Variants in NUDT3 observed in about 807,000 individuals in gnomAD.
NUDT3 encodes the protein diphosphoinositol polyphosphate phosphohydrolase 1.
NUDT3 carries 9 observed loss-of-function variants against 23.6 expected under a neutral mutation model. The observed-to-expected ratio is 0.38, with a 90% CI of 0.23 to 0.66. The LOEUF (loss-of-function observed/expected upper bound fraction) is 0.66. Ranked by LOEUF, NUDT3 falls within the 30% of genes least tolerant of loss-of-function variation. NUDT3 has a pLI of 0.52. For missense variants in NUDT3, 172 were observed against 218.5 expected, an observed-to-expected ratio of 0.79 and a Z score of 1.34; for synonymous variants, 86 against 82.6, an observed-to-expected ratio of 1.04 and a Z score of -0.22.
chr6:34,321,387 G>A (rs750710845), intron 2 of NUDT3, among the ~76,000 whole-genome samples: 5 of 151,798 alleles, frequency 3.3e-5, no homozygotes, highest in Non-Finnish European at 5.9e-5. Context: ...GCAGTGAGCC[G>A]AGATCGTACC....
chr6:34,295,499 C>A (rs1464562118), intron 3 of NUDT3, 142 bp downstream of exon 3: 3 of 907,248 alleles, frequency 3.3e-6, no homozygotes, highest in African/African-American at 1.7e-5. Context: ...CCAGCCTGGG[C>A]GAGAGTGAGA....
chr6:34,284,095 GAATA>G lies in NUDT3; in HGVS notation c.*4654_*4657del, dbSNP rs1763308727. ...GATAGGCTCTATCCAACAGGACTCA[GAATA>G]AATGACTGCCACCTCAACTGAGCAG... On this transcript the variant is annotated 3_prime_UTR_variant, in exon 5 of 5. Transcript: ENST00000607016. 1 of 152,186 alleles carries G rather than the reference GAATA, an allele frequency of 6.6e-6. No homozygotes were observed. The highest frequency in any genetic ancestry group is 2.4e-5 in the African/African-American group (1 of 41,444). The allele number at this position is 152,186 out of a possible 1,614,324, so 9.4% of individuals were successfully genotyped here. A position where few individuals can be genotyped will look rare whatever the true frequency, so the allele number is the denominator to read the frequency against.
rs183694195 is a variant in NUDT3, at chr6:34,349,415, T to C, written c.100-7443A>G. On this transcript the variant is annotated intron_variant, in intron 1 of 4. Transcript: ENST00000607016. ...GTGTAGCAGCCTTCCAAGGAGAATA[T>C]GGAGGCGTCAGTGGAGGAGGGAACC... is the stretch of plus-strand genomic sequence containing the variant. Among the ~76,000 whole-genome samples the C allele has an allele frequency of 1.8e-4, 25 of 142,194 alleles. 2 individuals are homozygous for C. Among genetic ancestry groups the C allele is most frequent in the Admixed American group, 6.9e-4 (10 of 14,560 alleles). The allele number at this position is 142,194 out of a possible 152,430, so 93.3% of individuals were successfully genotyped here.
intron 1 of NUDT3, among the ~76,000 whole-genome samples, chr6:34,342,776 T>C (rs1764307760): frequency 6.6e-6 from 1 of 152,194 alleles, no homozygotes; most frequent in Non-Finnish European, 1.5e-5. Context: ...CCCTAAACCA[T>C]TACTTTCTGA....
chr6:34,350,135 A>C (rs879927474), intron 1 of NUDT3, among the ~76,000 whole-genome samples: 1 of 150,988 alleles, frequency 6.6e-6, no homozygotes, highest in Non-Finnish European at 1.5e-5. Context: ...CTATGGTGAT[A>C]ATCTATGCCA....
chr6:34,356,525 A>G (rs1764563788), intron 1 of NUDT3, among the ~76,000 whole-genome samples: 1 of 152,190 alleles, frequency 6.6e-6, no homozygotes, highest in African/African-American at 2.4e-5. Context: ...GTTAACTTGA[A>G]AAGGCTCACA....
chr6:34,309,961 G>A (rs1056646025), intron 2 of NUDT3, among the ~76,000 whole-genome samples: 5 of 152,102 alleles, frequency 3.3e-5, no homozygotes, highest in Admixed American at 6.6e-5. Context: ...GGCTGGGTGC[G>A]GTGGTGCATG....
At chr6:34,361,828 G>C (rs1018819248) in intron 1 of NUDT3, among the ~76,000 whole-genome samples, 4 of 152,206 alleles carry the variant, frequency 2.6e-5, no homozygotes, top group African/African-American at 7.2e-5. Flanking sequence ...TATGAAGACA[G>C]TAGATCAGTG....
Position 34,288,060 on chromosome 6 carries a change from T to G in NUDT3, c.*693A>C, listed in dbSNP as rs1763359679. 1 of 152,144 alleles carries G rather than the reference T, an allele frequency of 6.6e-6. No individual in the cohort carries two copies. Among genetic ancestry groups the G allele is most frequent in the Admixed American group, 6.6e-5 (1 of 15,258 alleles). 9.4% of individuals were successfully genotyped at this position (152,144 alleles called of 1,614,324 possible). On this transcript the variant is annotated 3_prime_UTR_variant, in exon 5 of 5. Transcript: ENST00000607016. Reference sequence around the variant, plus strand: ...AGCACTATGAAGGTAGCTAAACTCTTCCCATATCTACAGTCAATGACTGGG... The same window carrying G: ...AGCACTATGAAGGTAGCTAAACTCTGCCCATATCTACAGTCAATGACTGGG...
chr6:34,316,253 A>C (rs1274482214), intron 2 of NUDT3, among the ~76,000 whole-genome samples: 1 of 152,154 alleles, frequency 6.6e-6, no homozygotes, highest in Non-Finnish European at 1.5e-5. Context: ...ACCCCTACCA[A>C]GTCTCTTAAC....
intron 2 of NUDT3, among the ~76,000 whole-genome samples, chr6:34,338,590 A>G (rs541788585): frequency 4.1e-4 from 63 of 152,362 alleles, no homozygotes; most frequent in African/African-American, 1.1e-3. Flanking sequence ...CGGACAAATA[A>G]CATTCAATCA....
intron 2 of NUDT3, among the ~76,000 whole-genome samples, chr6:34,322,571 T>C (rs748099602): frequency 1.3e-5 from 2 of 152,116 alleles, no homozygotes; most frequent in Non-Finnish European, 2.9e-5. Flanking sequence ...GGGACAGGCA[T>C]ATGGGAAGAA....
At chr6:34,326,542 T>G (rs1281623126) in intron 2 of NUDT3, among the ~76,000 whole-genome samples, 5 of 152,236 alleles carry the variant, frequency 3.3e-5, no homozygotes, top group Non-Finnish European at 1.5e-5. Context: ...TAAAAGCCAA[T>G]TTTTCAAATT....
intron 3 of NUDT3, 77 bp from the exon 4 acceptor site, chr6:34,293,612 T>G (rs568293760): frequency 3.9e-6 from 6 of 1,535,100 alleles, no homozygotes; most frequent in Non-Finnish European, 4.5e-6. Context: ...CACACTCTTA[T>G]GCATATGTCC....
At chr6:34,351,716 G>A (rs1391142527) in intron 1 of NUDT3, among the ~76,000 whole-genome samples, 2 of 139,350 alleles carry the variant, frequency 1.4e-5, no homozygotes, top group Non-Finnish European at 3.0e-5. Context: ...ATTCCAGCCT[G>A]TGCGACAAGA....
At chr6:34,324,507 T>G (rs995215978) in intron 2 of NUDT3, among the ~76,000 whole-genome samples, 1 of 152,180 alleles carries the variant, frequency 6.6e-6, no homozygotes, top group Non-Finnish European at 1.5e-5. Context: ...TGGCCTCAAG[T>G]GATCCTCCTG....
chr6:34,348,604 C>A (rs572275519), intron 1 of NUDT3, among the ~76,000 whole-genome samples: 3 of 151,792 alleles, frequency 2.0e-5, no homozygotes, highest in African/African-American at 7.3e-5. Context: ...AGTGAAACCC[C>A]GTCTCTACTA....
chr6:34,349,322 G>A (rs187787708), intron 1 of NUDT3, among the ~76,000 whole-genome samples: 2 of 151,686 alleles, frequency 1.3e-5, no homozygotes, highest in Admixed American at 6.6e-5. Context: ...ATAGAAAGAA[G>A]AGTCTATAAG....
chr6:34,364,709 A>AGT (rs1199250411), intron 1 of NUDT3, among the ~76,000 whole-genome samples: 2 of 152,244 alleles, frequency 1.3e-5, no homozygotes, highest in African/African-American at 4.8e-5. Flanking sequence ...CATCCAGTAG[A>AGT]GTGTATATAA....
Sources: gnomAD v4.1 joint callset for allele counts (sites outside exome capture counted in the v4.1 genomes callset) on GRCh38, gnomAD v4.1.1 for gene constraint, MANE v1.5 for transcripts, NCBI Gene and HGNC (gene_info 2026-07-23, HGNC 2026-07-21) for gene names.